ROBO2: variants seen among roughly 807,000 people sequenced by gnomAD.
ROBO2 encodes roundabout homolog 2.
A neutral mutation model predicts 160.8 loss-of-function variants in ROBO2; 53 were observed. The observed-to-expected ratio is 0.33, with a 90% CI of 0.26 to 0.41. ROBO2 has a LOEUF of 0.41. Among genes scored for constraint, ROBO2 ranks in the 10% least tolerant of loss-of-function variants. The probability of loss-of-function intolerance (pLI) is 1.00; values close to 1 mark genes in which losing one functional copy is unlikely to be tolerated. For missense variants in ROBO2, 1,577 were observed against 1,722.4 expected (o/e 0.92, Z 1.49); for synonymous variants, 664 against 611.7 (o/e 1.09, Z -1.26).
At chr3:76,780,245 C>T (rs1329346139) in intron 2 of ROBO2, among the ~76,000 whole-genome samples, 1 of 150,028 alleles carries the variant, frequency 6.7e-6, no homozygotes, top group Non-Finnish European at 1.5e-5. Context: ...TGTTCTTCGC[C>T]TATTTTTTAA....
intron 2 of ROBO2, among the ~76,000 whole-genome samples, chr3:76,832,276 ATT>A (rs2067157795): frequency 6.6e-6 from 1 of 152,210 alleles, no homozygotes; most frequent in African/African-American, 2.4e-5. Context: ...TAAGCATAGA[ATT>A]TCAGAACTGT....
chr3:76,131,121 T>TTTA, intron 2 of ROBO2, among the ~76,000 whole-genome samples: 1 of 152,296 alleles, frequency 6.6e-6, no homozygotes, highest in Non-Finnish European at 1.5e-5. Flanking sequence ...TATAGTATGT[T>TTTA]GCATCTTTTG....
At chr3:76,477,478 C>T (rs1343485648) in intron 2 of ROBO2, among the ~76,000 whole-genome samples, 3 of 152,038 alleles carry the variant, frequency 2.0e-5, no homozygotes, top group African/African-American at 7.2e-5. Context: ...CAACAAAATA[C>T]AGTATTTAAA....
intron 2 of ROBO2, among the ~76,000 whole-genome samples, chr3:76,642,544 G>T (rs1204728824): frequency 1.3e-5 from 2 of 151,636 alleles, no homozygotes; most frequent in African/African-American, 4.8e-5. Context: ...TAGACACGGG[G>T]TTTCTGCATG....
intron 2 of ROBO2, among the ~76,000 whole-genome samples, chr3:76,211,445 A>T (rs952911744): frequency 6.6e-6 from 1 of 152,074 alleles, no homozygotes; most frequent in Non-Finnish European, 1.5e-5. Context: ...TAGTGATGTG[A>T]CCTACTATTT....
Position 77,600,277 on chromosome 3 carries a change from G to A in ROBO2, c.2855-1933G>A, listed in dbSNP as rs11921044. 7.0e-3 allele frequency among the ~76,000 whole-genome samples: 1,073 copies of A among 152,256 alleles called. 7 individuals carry two copies. Among genetic ancestry groups the A allele is most frequent in the African/African-American group, 0.024 (1,012 of 41,554 alleles). ...TTCATGTGCAATATTCCAATATTTC[G>A]ATGCTAGAATACAATTCAGTTTATT... On this transcript the variant is annotated intron_variant, in intron 19 of 25. Coordinates refer to ENST00000461745, the Ensembl canonical transcript of ROBO2.
intron 2 of ROBO2, among the ~76,000 whole-genome samples, chr3:75,982,916 G>C (rs1435012374): frequency 1.3e-5 from 2 of 151,424 alleles, no homozygotes; most frequent in Non-Finnish European, 3.0e-5. Context: ...GATAAAATTA[G>C]CTTACTTTAA....
intron 2 of ROBO2, among the ~76,000 whole-genome samples, chr3:76,907,011 T>G (rs1490338503): frequency 6.6e-6 from 1 of 151,008 alleles, no homozygotes; most frequent in East Asian, 2.0e-4. Flanking sequence ...AATGCAAGCT[T>G]CAAAGAAGAC....
chr3:76,967,775 C>T (rs988805252), intron 2 of ROBO2, among the ~76,000 whole-genome samples: 1 of 152,002 alleles, frequency 6.6e-6, no homozygotes, highest in Non-Finnish European at 1.5e-5. Context: ...GCACTCCTGG[C>T]CTCAAGTGAT....
intron 2 of ROBO2, among the ~76,000 whole-genome samples, chr3:77,273,659 T>A (rs977225046): frequency 2.6e-5 from 4 of 152,180 alleles, no homozygotes; most frequent in African/African-American, 9.7e-5. Context: ...CTTAAAAACA[T>A]TATGCTAAAT....
At chr3:76,695,380 A>G (rs551339918) in intron 2 of ROBO2, among the ~76,000 whole-genome samples, 3 of 152,178 alleles carry the variant, frequency 2.0e-5, no homozygotes, top group East Asian at 1.9e-4. Context: ...GGCCGTCTTC[A>G]TAAGTAATTA....
chr3:76,567,809 T>TATA lies in ROBO2; in HGVS notation c.110-530205_110-530204insATA, dbSNP rs56996117. On this transcript the variant is annotated intron_variant, in intron 2 of 26. Coordinates refer to the ROBO2 transcript ENST00000487694. ...TGTGTGTGTGTGTGTATATATATAT[T>TATA]TTTTTTTTTTTTTTGGGGGGGGTTG... is the stretch of plus-strand genomic sequence containing the variant. 4.5e-3 allele frequency among the ~76,000 whole-genome samples: 291 copies of TATA among 64,712 alleles called. 2 individuals are homozygous for TATA. Among genetic ancestry groups the TATA allele is most frequent in the African/African-American group, 0.02 (261 of 13,018 alleles). 42.5% of individuals were successfully genotyped at this position (64,712 alleles called of 152,430 possible).
intron 2 of ROBO2, among the ~76,000 whole-genome samples, chr3:77,261,572 C>T (rs1265882657): frequency 6.6e-6 from 1 of 151,996 alleles, no homozygotes; most frequent in Non-Finnish European, 1.5e-5. Flanking sequence ...TTAATGAAAA[C>T]CATGACAAGA....
intron 2 of ROBO2, among the ~76,000 whole-genome samples, chr3:76,277,899 G>C (rs1262659394): frequency 6.7e-6 from 1 of 149,918 alleles, no homozygotes; most frequent in Non-Finnish European, 1.5e-5. Flanking sequence ...AGACATTTTT[G>C]TTTTTAGATT....
intron 2 of ROBO2, among the ~76,000 whole-genome samples, chr3:76,055,737 G>A (rs2067821010): frequency 6.6e-6 from 1 of 152,058 alleles, no homozygotes; most frequent in African/African-American, 2.4e-5. Context: ...CTAATCAACT[G>A]TTGACCACCA....
At chr3:76,444,068 C>A (rs936033086) in intron 2 of ROBO2, among the ~76,000 whole-genome samples, 3 of 152,160 alleles carry the variant, frequency 2.0e-5, no homozygotes, top group Admixed American at 1.3e-4. Flanking sequence ...CAGGTTCAAG[C>A]GATTCTCCTG....
chr3:76,640,715 AC>A (rs904349641), intron 2 of ROBO2, among the ~76,000 whole-genome samples: 1 of 152,034 alleles, frequency 6.6e-6, no homozygotes, highest in African/African-American at 2.4e-5. Flanking sequence ...CTTGGTGTCT[AC>A]ACATTATTCT....
At chr3:76,479,290 G>A (rs2079091295) in intron 2 of ROBO2, among the ~76,000 whole-genome samples, 1 of 152,126 alleles carries the variant, frequency 6.6e-6, no homozygotes, top group African/African-American at 2.4e-5. Context: ...GCTATACCAA[G>A]TAACAGTTCA....
chr3:77,237,983 G>A (rs1014776358), intron 2 of ROBO2, among the ~76,000 whole-genome samples: 2 of 152,100 alleles, frequency 1.3e-5, no homozygotes, highest in East Asian at 3.9e-4. Context: ...TTTACCTGAC[G>A]ACATATGATA....
Sources: allele counts gnomAD v4.1 joint callset (sites outside exome capture counted in the v4.1 genomes callset), GRCh38; gene constraint gnomAD v4.1.1; transcripts MANE v1.5; gene names NCBI Gene and HGNC (gene_info 2026-07-23, HGNC 2026-07-21).